CAMKV: variants seen among roughly 807,000 people sequenced by gnomAD.
CAMKV encodes CaM kinase like vesicle associated.
CAMKV carries 5 observed loss-of-function variants against 50.2 expected under a neutral mutation model. That is an observed-to-expected ratio of 0.10 (90% CI 0.05 to 0.21). The LOEUF is 0.21. Among genes scored for constraint, CAMKV ranks in the 10% least tolerant of loss-of-function variants. CAMKV has a pLI of 1.00. For missense variants in CAMKV, 361 were observed against 650.5 expected, an observed-to-expected ratio of 0.55 and a Z score of 4.84; for synonymous variants, 229 against 250.1, an observed-to-expected ratio of 0.92 and a Z score of 0.80.
Position 49,860,730 on chromosome 3 carries a change from T to C in CAMKV, c.761A>G (p.Asp254Gly), listed in dbSNP as rs768011837. The change falls in exon 8 of 11, where the codon GAT (aspartate) becomes GGT (glycine). Residue 254 changes from aspartate to glycine, a missense_variant. Asp to Gly is a moderately conservative substitution (Grantham distance 94). Coordinates refer to ENST00000477224, the MANE Select transcript of CAMKV (RefSeq NM_024046.5). The surrounding 1 kb of genome is among the most constrained non-coding windows in gnomAD (Gnocchi z 6.1). ...CACCTCCTCACCTGCCTGCGAAATA[T>C]CATCCCAATATGGAGAGTCAAACTC... ...DYEFDSPYWDDISQAAKDLVT... is the reference protein window; with the variant it reads ...DYEFDSPYWDGISQAAKDLVT... 3.7e-6 allele frequency: 6 copies of C among 1,614,004 alleles called. No homozygotes were observed. Among genetic ancestry groups the C allele is most frequent in the Non-Finnish European group, 5.1e-6 (6 of 1,180,034 alleles).
Position 49,860,413 on chromosome 3 carries a change from G to T in CAMKV, c.854+58C>A. The T allele has an allele frequency of 6.3e-7, 1 of 1,588,534 alleles. No homozygotes were observed. The highest frequency in any genetic ancestry group is 8.6e-7 in the Non-Finnish European group (1 of 1,161,120). ...CACCCCTTCCAGGCCTCAAAGATGGGGCTGCTGGGTGTGAGGGGGACCCTG... is the reference window on the plus strand; with the variant it reads ...CACCCCTTCCAGGCCTCAAAGATGGTGCTGCTGGGTGTGAGGGGGACCCTG... On this transcript the variant is annotated intron_variant, in intron 9 of 10. Coordinates refer to ENST00000477224, the MANE Select transcript of CAMKV (RefSeq NM_024046.5). This position sits in a 1 kb window ranked among gnomAD's most constrained non-coding sequence, Gnocchi z 6.1.
At position 49,862,417 on chromosome 3, in the gene CAMKV, G is replaced by A; in HGVS notation, c.-14-15C>T. 1.2e-6 allele frequency: 2 copies of A among 1,603,558 alleles called. No homozygotes were observed. Among genetic ancestry groups the A allele is most frequent in the Non-Finnish European group, 1.7e-6 (2 of 1,170,220 alleles). ...CAGGCTCTAACCTGCGGGCACAATGGGGTCTGGCTTAGCTGTACTACTCTC... is the reference window on the plus strand; with the variant it reads ...CAGGCTCTAACCTGCGGGCACAATGAGGTCTGGCTTAGCTGTACTACTCTC... On this transcript the variant is annotated splice_polypyrimidine_tract_variant and intron_variant, in intron 1 of 10. Transcript: ENST00000477224. This position sits in a 1 kb window ranked among gnomAD's most constrained non-coding sequence, Gnocchi z 5.2.
Position 49,862,098 on chromosome 3 carries a change from C to G in CAMKV, c.174G>C (p.Arg58=). The G allele has an allele frequency of 6.2e-7, 1 of 1,614,206 alleles. No homozygotes were observed. The part of the protein sequence containing the change: ...KLHTCKKFQK[R]DGRKVRKAAK... The stretch of plus-strand genomic sequence containing the variant: ...CAGCTTTCCGCACCTTGCGGCCGTC[C>G]CGCTTCTGGAACTTCTTGCAGGTGT... Residue 58 remains arginine (R), a synonymous_variant, in exon 3 of 11, where the codon CGG becomes CGC. Coordinates refer to ENST00000477224, the MANE Select transcript of CAMKV (RefSeq NM_024046.5). This position sits in a 1 kb window ranked among gnomAD's most constrained non-coding sequence, Gnocchi z 5.2.
In CAMKV at chr3:49,860,624, G is replaced by A. The variant is rs1305541474; in HGVS notation, c.776-75C>T. ...TCTAGAGGTGATAAATGGGCTGGGG[G>A]ACAGAAGCAGAATACCACAGAGGAA... On this transcript the variant is annotated intron_variant, in intron 8 of 10. Transcript: ENST00000477224. This position sits in a 1 kb window ranked among gnomAD's most constrained non-coding sequence, Gnocchi z 6.1. 2 of 1,610,196 alleles carry A rather than the reference G, an allele frequency of 1.2e-6. No homozygotes were observed. Among genetic ancestry groups the A allele is most frequent in the African/African-American group, 1.3e-5 (1 of 74,842 alleles).
At position 49,858,641 on chromosome 3, in the gene CAMKV, T is replaced by A. The variant is rs762257985; in HGVS notation, c.*677A>T. The A allele has an allele frequency of 1.9e-5, 6 of 323,676 alleles. No individual in the cohort carries two copies. Among genetic ancestry groups the A allele is most frequent in the Non-Finnish European group, 2.8e-5 (5 of 179,568 alleles). 20.1% of individuals were successfully genotyped at this position (323,676 alleles called of 1,614,324 possible). On this transcript the variant is annotated 3_prime_UTR_variant, in exon 11 of 11. Coordinates refer to ENST00000477224, the MANE Select transcript of CAMKV (RefSeq NM_024046.5). Reference sequence around the variant, plus strand: ...CTGCAGGACTCGGAAAGGCAGGAAATAACACAAATAACAGGGTCTTAGGAA... The same window carrying A: ...CTGCAGGACTCGGAAAGGCAGGAAAAAACACAAATAACAGGGTCTTAGGAA...
At position 49,862,188 on chromosome 3, in the gene CAMKV, A is replaced by G; in HGVS notation, c.96-12T>C. The stretch of plus-strand genomic sequence containing the variant: ...CACAAAACTCCTCACTGCAGCCGAC[A>G]GGCACCCACTCAGGCCTGGCCTTAG... On this transcript the variant is annotated splice_polypyrimidine_tract_variant and intron_variant, in intron 2 of 10. Coordinates refer to ENST00000477224, the MANE Select transcript of CAMKV (RefSeq NM_024046.5). The surrounding 1 kb of genome is among the most constrained non-coding windows in gnomAD (Gnocchi z 5.2). 1 of 1,614,150 alleles carries G rather than the reference A, an allele frequency of 6.2e-7. No individual in the cohort carries two copies. The highest frequency in any genetic ancestry group is 8.5e-7 in the Non-Finnish European group (1 of 1,180,036).
rs6797500 is a variant in CAMKV at position 49,859,185 on chromosome 3, T to A, written c.*133A>T. 57,462 of 805,292 alleles carry A rather than the reference T, an allele frequency of 0.071. 2,264 individuals carry two copies. Among genetic ancestry groups the A allele is most frequent in the African/African-American group, 0.094 (5,455 of 58,298 alleles). The allele number at this position is 805,292 out of a possible 1,614,324, so 49.9% of individuals were successfully genotyped here. On this transcript the variant is annotated 3_prime_UTR_variant, in exon 11 of 11. Coordinates refer to ENST00000477224, the MANE Select transcript of CAMKV (RefSeq NM_024046.5). The surrounding 1 kb of genome is among the most constrained non-coding windows in gnomAD (Gnocchi z 5.5). ...AGACTGCTCTCCCGTGACCCCTAGT[T>A]ATGCCCCACTGGGATGTGGGGGCAT...
In CAMKV at chr3:49,862,129, T is replaced by C. The variant is rs1443985656; in HGVS notation, c.143A>G (p.Lys48Arg). ...IFRAKDKTTG[K>R]LHTCKKFQKR... ...CTGGAACTTCTTGCAGGTGTGCAGCTTGCCTGTCGTCTTGTCCTTGGCCCG... is the reference window on the plus strand; with the variant it reads ...CTGGAACTTCTTGCAGGTGTGCAGCCTGCCTGTCGTCTTGTCCTTGGCCCG... The change falls in exon 3 of 11, where the codon AAG (lysine) becomes AGG (arginine). Residue 48 changes from lysine to arginine, a missense_variant. Physicochemically the swap from Lys to Arg is conservative, Grantham distance 26. Around this residue, in one of 4 missense-constraint regions of CAMKV, gnomAD observed 172 missense variants for 414.3 expected, o/e 0.42. Coordinates refer to ENST00000477224, the MANE Select transcript of CAMKV (RefSeq NM_024046.5). This position sits in a 1 kb window ranked among gnomAD's most constrained non-coding sequence, Gnocchi z 5.2. 2 of 1,614,216 alleles carry C rather than the reference T, an allele frequency of 1.2e-6. No homozygotes were observed. Among genetic ancestry groups the C allele is most frequent in the African/African-American group, 2.7e-5 (2 of 75,072 alleles).
At chr3:49,868,682 A>C (rs1414470133) in intron 1 of CAMKV, among the ~76,000 whole-genome samples, 3 of 152,200 alleles carry the variant, frequency 2.0e-5, no homozygotes, top group Admixed American at 2.0e-4. Flanking sequence ...CCAGTTGAGG[A>C]AACTGAGGCT....
chr3:49,861,919 G>T lies in CAMKV; in HGVS notation c.228-54C>A, dbSNP rs2082025076. 1 of 1,608,926 alleles carries T rather than the reference G, an allele frequency of 6.2e-7. No homozygotes were observed. ...AGGGCTGGATGAACCCCTGGGAGAG[G>T]CTGTGGTCACCACAGTGGCCACAGC... On this transcript the variant is annotated intron_variant, in intron 3 of 10. Coordinates refer to ENST00000477224, the MANE Select transcript of CAMKV (RefSeq NM_024046.5). The surrounding 1 kb of genome is among the most constrained non-coding windows in gnomAD (Gnocchi z 7.7).
Position 49,861,155 on chromosome 3 carries a change from T to G in CAMKV, c.562+25A>C. 54 of 879,836 alleles carry G rather than the reference T, an allele frequency of 6.1e-5. No homozygotes were observed. Among genetic ancestry groups the G allele is most frequent in the Non-Finnish European group, 9.1e-5 (52 of 569,426 alleles). 54.5% of individuals were successfully genotyped at this position (879,836 alleles called of 1,614,324 possible). Reference sequence around the variant, plus strand: ...TGAAGGCTGCCCCCCATTATCCCCCTGCCCCTGCCCCACCCCCTGCTTGCC... The same window carrying G: ...TGAAGGCTGCCCCCCATTATCCCCCGGCCCCTGCCCCACCCCCTGCTTGCC... On this transcript the variant is annotated intron_variant, in intron 6 of 10. Transcript: ENST00000477224. The surrounding 1 kb of genome is among the most constrained non-coding windows in gnomAD (Gnocchi z 7.7).
rs148595605 is a variant in CAMKV at position 49,862,184 on chromosome 3, C to G, written c.96-8G>C. On this transcript the variant is annotated splice_region_variant and splice_polypyrimidine_tract_variant and intron_variant, in intron 2 of 10. Coordinates refer to ENST00000477224, the MANE Select transcript of CAMKV (RefSeq NM_024046.5). This position sits in a 1 kb window ranked among gnomAD's most constrained non-coding sequence, Gnocchi z 5.2. The stretch of plus-strand genomic sequence containing the variant: ...ATTTCACAAAACTCCTCACTGCAGC[C>G]GACAGGCACCCACTCAGGCCTGGCC... 2 of 1,614,170 alleles carry G rather than the reference C, an allele frequency of 1.2e-6. No homozygotes were observed. The highest frequency in any genetic ancestry group is 1.7e-6 in the Non-Finnish European group (2 of 1,180,038).
Position 49,859,427 on chromosome 3 carries a change from T to A in CAMKV, c.1397A>T (p.Gln466Leu). Reference sequence around the variant, plus strand: ...GCCCTCTGGGGCTGTGCTGTCCGGCTGGGCCATAGCCGGCTCAGGGGTGGC... The same window carrying A: ...GCCCTCTGGGGCTGTGCTGTCCGGCAGGGCCATAGCCGGCTCAGGGGTGGC... ...AAATPEPAMA[Q>L]PDSTAPEGAT... The change falls in exon 11 of 11, where the codon CAG becomes CTG. Residue 466 changes from glutamine (Q) to leucine (L), a missense_variant. Around this residue, in one of 4 missense-constraint regions of CAMKV, gnomAD observed 75 missense variants for 84.2 expected, o/e 0.89. Coordinates refer to ENST00000477224, the MANE Select transcript of CAMKV (RefSeq NM_024046.5). This position sits in a 1 kb window ranked among gnomAD's most constrained non-coding sequence, Gnocchi z 5.5. 2 of 1,612,656 alleles carry A rather than the reference T, an allele frequency of 1.2e-6. No homozygotes were observed. Among genetic ancestry groups the A allele is most frequent in the Non-Finnish European group, 1.7e-6 (2 of 1,178,934 alleles).
chr3:49,865,057 G>T (rs1251475489), intron 1 of CAMKV, among the ~76,000 whole-genome samples: 1 of 152,172 alleles, frequency 6.6e-6, no homozygotes, highest in Admixed American at 6.5e-5. Flanking sequence ...GGTTGCTTGG[G>T]CTCAGGGAAT....
At chr3:49,866,946 G>T (rs565945047) in intron 1 of CAMKV, among the ~76,000 whole-genome samples, 1 of 152,212 alleles carries the variant, frequency 6.6e-6, no homozygotes, top group Non-Finnish European at 1.5e-5. Flanking sequence ...CCCCTGCCAC[G>T]TGGGGCTCCA....
chr3:49,861,778 G>T lies in CAMKV; in HGVS notation c.302+13C>A. 2 of 1,613,502 alleles carry T rather than the reference G, an allele frequency of 1.2e-6. No individual in the cohort carries two copies. Among genetic ancestry groups the T allele is most frequent in the South Asian group, 1.1e-5 (1 of 91,044 alleles). On this transcript the variant is annotated intron_variant, in intron 4 of 10. Coordinates refer to ENST00000477224, the MANE Select transcript of CAMKV (RefSeq NM_024046.5). This position sits in a 1 kb window ranked among gnomAD's most constrained non-coding sequence, Gnocchi z 7.7. ...GGCGCTGGGGAATCTTGGGTCCCCA[G>T]ACCCACACTCACAGCTCCAGGAAGA...
At chr3:49,864,959 C>T (rs1165687071) in intron 1 of CAMKV, among the ~76,000 whole-genome samples, 3 of 152,214 alleles carry the variant, frequency 2.0e-5, no homozygotes, top group Non-Finnish European at 4.4e-5. Context: ...AGCCACCAGG[C>T]TGTGATTCCC....
Position 49,862,019 on chromosome 3 carries a change from G to T in CAMKV, c.227+26C>A, listed in dbSNP as rs373692911. On this transcript the variant is annotated intron_variant, in intron 3 of 10. Transcript: ENST00000477224. The surrounding 1 kb of genome is among the most constrained non-coding windows in gnomAD (Gnocchi z 5.2). Reference sequence around the variant, plus strand: ...GCCCTTCCCTGCTGCCTCCCACCCCGCCCCAATCCCAGGCCTCAAACTCAC... The same window carrying T: ...GCCCTTCCCTGCTGCCTCCCACCCCTCCCCAATCCCAGGCCTCAAACTCAC... 3.9e-6 allele frequency: 6 copies of T among 1,528,358 alleles called. No individual in the cohort carries two copies. The East Asian group carries it at 1.4e-4, about 35-fold the overall frequency. 94.7% of individuals were successfully genotyped at this position (1,528,358 alleles called of 1,614,324 possible). A position where few individuals can be genotyped will look rare whatever the true frequency, so the allele number is the denominator to read the frequency against.
At position 49,862,476 on chromosome 3, in the gene CAMKV, G is replaced by C; in HGVS notation, c.-14-74C>G. 1 of 1,362,074 alleles carries C rather than the reference G, an allele frequency of 7.3e-7. No individual in the cohort carries two copies. The highest frequency in any genetic ancestry group is 1.0e-6 in the Non-Finnish European group (1 of 952,618). The allele number at this position is 1,362,074 out of a possible 1,614,324, so 84.4% of individuals were successfully genotyped here. ...CACAACATAGGGGCTGCTTTTGGGAGACCCCAACCTGGCTCAGGCCAAGCT... is the reference window on the plus strand; with the variant it reads ...CACAACATAGGGGCTGCTTTTGGGACACCCCAACCTGGCTCAGGCCAAGCT... On this transcript the variant is annotated intron_variant, in intron 1 of 10. Coordinates refer to ENST00000477224, the MANE Select transcript of CAMKV (RefSeq NM_024046.5). This position sits in a 1 kb window ranked among gnomAD's most constrained non-coding sequence, Gnocchi z 5.2.
Sources: allele counts gnomAD v4.1 joint callset (sites outside exome capture counted in the v4.1 genomes callset), GRCh38; gene constraint gnomAD v4.1.1; regional missense constraint gnomAD v4.1.1; non-coding constraint Gnocchi (gnomAD v3.1); transcripts MANE v1.5; gene names NCBI Gene and HGNC (gene_info 2026-07-23, HGNC 2026-07-21).